UCMA: variants seen among roughly 807,000 people sequenced by gnomAD.
The protein encoded by UCMA is upper zone of growth plate and cartilage matrix associated.
In UCMA, 21 loss-of-function variants were observed where a neutral mutation model predicts 21.8. The ratio of observed to expected loss-of-function variants is 0.97; its 90% CI spans 0.68 to 1.39. The LOEUF is 1.39. Among genes scored for constraint, UCMA ranks in the 40% most tolerant of loss-of-function variants. The probability of loss-of-function intolerance (pLI) is 0.00; values close to 1 mark genes in which losing one functional copy is unlikely to be tolerated. For synonymous variants in UCMA, 76 were observed against 67.9 expected, an observed-to-expected ratio of 1.12 and a Z score of -0.58; for missense variants, 193 against 178.9, an observed-to-expected ratio of 1.08 and a Z score of -0.45.
intron 3 of UCMA, 38 bp from the exon 4 acceptor site, chr10:13,229,747 A>G: frequency 1.3e-6 from 2 of 1,567,370 alleles, no homozygotes; most frequent in Non-Finnish European, 8.8e-7. Flanking sequence ...CCCCTCAAGA[A>G]TGAGGACACT....
rs557326707 is a variant in UCMA, at chr10:13,224,679, C to T, written c.320-2479G>A. ...CCTCTGTGGCGATGGCCAACAGGAC[C>T]GCCTGGTGGCTTCAGGGTGTGAGGA... On this transcript the variant is annotated intron_variant, in intron 4 of 4. Transcript: ENST00000378681. Among the ~76,000 whole-genome samples the T allele has an allele frequency of 1.2e-4, 18 of 152,290 alleles. No individual in the cohort carries two copies. In the South Asian group the frequency reaches 3.1e-3, roughly 26 times the overall value.
rs1187259313 is a variant in UCMA at position 13,234,355 on chromosome 10, G to C, written c.-97C>G. 7.7e-7 allele frequency: 1 copy of C among 1,294,778 alleles called. No homozygotes were observed. The highest frequency in any genetic ancestry group is 2.6e-5 in the East Asian group (1 of 38,416). The allele number at this position is 1,294,778 out of a possible 1,614,324, so 80.2% of individuals were successfully genotyped here. On this transcript the variant is annotated 5_prime_UTR_variant, in exon 1 of 5. Transcript: ENST00000378681. ...CTTCTGAGGCAGGCAGCCCAGGCGA[G>C]AGGAAGGAAGGCGGGGGAGGGAAGA...
At position 13,229,593 on chromosome 10, in the gene UCMA, T is replaced by G; in HGVS notation, c.319+18A>C. ...CAACGCTCCACCTCCCTGAAGACAC[T>G]GGCTGAAGAGCTCTTACCATCGTTT... On this transcript the variant is annotated intron_variant, in intron 4 of 4. Coordinates refer to ENST00000378681, the MANE Select transcript of UCMA (RefSeq NM_145314.3). 1 of 1,610,104 alleles carries G rather than the reference T, an allele frequency of 6.2e-7. No homozygotes were observed. Among genetic ancestry groups the G allele is most frequent in the Non-Finnish European group, 8.5e-7 (1 of 1,176,806 alleles).
chr10:13,233,597 G>C lies in UCMA; in HGVS notation c.161C>G (p.Ala54Gly). Residue 54 changes from alanine to glycine, a missense_variant, in exon 3 of 5, where the codon GCC becomes GGC. Coordinates refer to ENST00000378681, the MANE Select transcript of UCMA (RefSeq NM_145314.3). ...KQKIFMQESD[A>G]SNFLKRRGKR... is the part of the protein sequence containing the mutation. ...GCCGCGCCTCTTGAGGAAATTCGAG[G>C]CATCTGATTCCTGCATGAAAATCTT... The C allele has an allele frequency of 6.2e-7, 1 of 1,614,084 alleles. No individual in the cohort carries two copies. The highest frequency in any genetic ancestry group is 1.3e-5 in the African/African-American group (1 of 75,006).
intron 4 of UCMA, among the ~76,000 whole-genome samples, chr10:13,229,014 C>T (rs997732798): frequency 6.6e-6 from 1 of 152,104 alleles, no homozygotes; most frequent in Non-Finnish European, 1.5e-5. Context: ...CCACTCACTG[C>T]AACTTCTGCC....
At position 13,233,546 on chromosome 10, in the gene UCMA, T is replaced by A. The variant is rs142585346; in HGVS notation, c.212A>T (p.Glu71Val). 6.3e-4 allele frequency: 1,016 copies of A among 1,613,832 alleles called. 11 individuals are homozygous for A. The African/African-American group carries it at 0.012, about 19-fold the overall frequency. ...CCCTCCAGCATCCTTACCATTGACC[T>A]CATCTCTGGACTTGGGGGACCGCTT... is the stretch of plus-strand genomic sequence containing the variant. ...RGKRSPKSRDEVNVENRQKLR... is the reference protein window; with the variant it reads ...RGKRSPKSRDVVNVENRQKLR... Residue 71 changes from glutamate to valine, a missense_variant, in exon 3 of 5, where the codon GAG (glutamate) becomes GTG (valine). Glu to Val is a moderately radical substitution (Grantham distance 121). Transcript: ENST00000378681.
At chr10:13,233,867 C>T in intron 1 of UCMA, 67 bp from the exon 2 acceptor site, 1 of 1,589,108 alleles carries the variant, frequency 6.3e-7, no homozygotes, top group Non-Finnish European at 8.6e-7. Context: ...AGCTGAGTCC[C>T]CATCTCTCTT....
chr10:13,224,768 C>T lies in UCMA; in HGVS notation c.320-2568G>A, dbSNP rs12355951. Among the ~76,000 whole-genome samples the T allele has an allele frequency of 4.6e-3, 705 of 152,316 alleles. 3 individuals carry two copies. Among genetic ancestry groups the T allele is most frequent in the Non-Finnish European group, 8.3e-3 (568 of 68,024 alleles). On this transcript the variant is annotated intron_variant, in intron 4 of 4. Transcript: ENST00000378681. The stretch of plus-strand genomic sequence containing the variant: ...CGCGTGCTCAGGCCTAGTCTCACCT[C>T]GGCCCAGCTGGGTGCAGGGCCCAGT...
intron 4 of UCMA, among the ~76,000 whole-genome samples, chr10:13,225,541 G>C (rs1350510262): frequency 6.6e-6 from 1 of 151,956 alleles, no homozygotes; most frequent in African/African-American, 2.4e-5. Flanking sequence ...AAGGCGTGGT[G>C]GTGGGTGCCT....
chr10:13,231,120 T>C (rs562654501), intron 3 of UCMA, among the ~76,000 whole-genome samples: 1 of 152,236 alleles, frequency 6.6e-6, no homozygotes, highest in Admixed American at 6.5e-5. Flanking sequence ...AATTAATGAA[T>C]TATATAAATA....
Position 13,229,888 on chromosome 10 carries a change from A to T in UCMA, c.221-179T>A, listed in dbSNP as rs1834876766. The stretch of plus-strand genomic sequence containing the variant: ...CTCCTGACACAGACTTTAAAACTTG[A>T]AGGTGATTATCTGATCCAGCTGCCT... On this transcript the variant is annotated intron_variant, in intron 3 of 4. Coordinates refer to ENST00000378681, the MANE Select transcript of UCMA (RefSeq NM_145314.3). Among the ~76,000 whole-genome samples the T allele has an allele frequency of 7.2e-5, 11 of 152,092 alleles. No homozygotes were observed. In the South Asian group the frequency reaches 2.3e-3, roughly 32 times the overall value.
At chr10:13,229,558 G>A (rs895563026) in intron 4 of UCMA, 53 bp downstream of exon 4, 8 of 1,481,544 alleles carry the variant, frequency 5.4e-6, no homozygotes, top group Non-Finnish European at 7.4e-6. Context: ...CAAACCATGT[G>A]ATTTCTCCCC....
At chr10:13,229,560 T>TAG in intron 4 of UCMA, 51 bp downstream of exon 4, 1 of 1,511,588 alleles carries the variant, frequency 6.6e-7, no homozygotes, top group Non-Finnish European at 9.0e-7. Flanking sequence ...AACCATGTGA[T>TAG]TTCTCCCCAA....
chr10:13,229,294 C>T (rs895594367), intron 4 of UCMA, among the ~76,000 whole-genome samples: 4 of 152,022 alleles, frequency 2.6e-5, no homozygotes, highest in Non-Finnish European at 5.9e-5. Flanking sequence ...CCCTTTCCTC[C>T]CTCCTCCAAT....
At position 13,222,197 on chromosome 10, in the gene UCMA, T is replaced by A; in HGVS notation, c.323A>T (p.Gln108Leu). The stretch of plus-strand genomic sequence containing the variant: ...CACAGCCTCCCGGCTCCTCTCTTCC[T>A]GCTCTGGGGAGGAAAGACAAAGCCA... ...ENFVEEQNDE[Q>L]EERSREAVEQ... The change falls in exon 5 of 5, where the codon CAG (glutamine) becomes CTG (leucine). Residue 108 changes from glutamine (Q) to leucine (L), a missense_variant. Physicochemically the swap from Gln to Leu is moderately radical, Grantham distance 113. Coordinates refer to ENST00000378681, the MANE Select transcript of UCMA (RefSeq NM_145314.3). The A allele has an allele frequency of 1.2e-6, 2 of 1,613,596 alleles. No individual in the cohort carries two copies. Among genetic ancestry groups the A allele is most frequent in the South Asian group, 2.2e-5 (2 of 90,966 alleles).
chr10:13,226,587 A>T (rs1834826487), intron 4 of UCMA, among the ~76,000 whole-genome samples: 1 of 152,170 alleles, frequency 6.6e-6, no homozygotes. Context: ...GGCCTCCCAA[A>T]GTGCTGGGAT....
At chr10:13,224,200 G>A (rs1450638815) in intron 4 of UCMA, among the ~76,000 whole-genome samples, 1 of 152,054 alleles carries the variant, frequency 6.6e-6, no homozygotes, top group East Asian at 1.9e-4. Flanking sequence ...GATAGCACTT[G>A]CCTATAGTCC....
rs11547943 is a variant in UCMA, at chr10:13,222,106, G to T, written c.414C>A (p.Thr138=). The change falls in exon 5 of 5, where the codon ACC becomes ACA. Residue 138 remains threonine, a synonymous_variant. Coordinates refer to ENST00000378681, the MANE Select transcript of UCMA (RefSeq NM_145314.3). ...HPSYLYNRHH[T] ...CTTGGCCGGCTTCAGGATGGGATCA[G>T]GTGTGGTGGCGGTTGTAGAGATAGG... 1.2e-6 allele frequency: 2 copies of T among 1,614,042 alleles called. No homozygotes were observed. The highest frequency in any genetic ancestry group is 1.3e-5 in the African/African-American group (1 of 74,926).
At chr10:13,225,230 G>A (rs1462361659) in intron 4 of UCMA, among the ~76,000 whole-genome samples, 2 of 152,052 alleles carry the variant, frequency 1.3e-5, no homozygotes, top group African/African-American at 4.8e-5. Flanking sequence ...ATTTTTAATA[G>A]AGACAAGGTC....
Sources: gnomAD v4.1 joint callset for allele counts (sites outside exome capture counted in the v4.1 genomes callset) on GRCh38, gnomAD v4.1.1 for gene constraint, MANE v1.5 for transcripts, NCBI Gene and HGNC (gene_info 2026-07-23, HGNC 2026-07-21) for gene names.